The following MIDEAS variants were observed in gnomAD, a reference collection of about 807,000 sequenced individuals.
The protein encoded by MIDEAS is mitotic deacetylase associated SANT domain protein.
In MIDEAS, 26 loss-of-function variants were observed where a neutral mutation model predicts 102.7. The ratio of observed to expected loss-of-function variants is 0.25; its 90% CI spans 0.19 to 0.35. The LOEUF (loss-of-function observed/expected upper bound fraction) is 0.35, where lower values mean the gene tolerates loss of function less well. Among genes scored for constraint, MIDEAS ranks in the 10% least tolerant of loss-of-function variants. The pLI is 1.00. For missense variants in MIDEAS, 1,231 were observed against 1,435.6 expected (o/e 0.86, Z 2.30); for synonymous variants, 585 against 591.0 (o/e 0.99, Z 0.15).
At chr14:73,757,814 C>T (rs1319014573) in intron 1 of MIDEAS, among the ~76,000 whole-genome samples, 1 of 152,356 alleles carries the variant, frequency 6.6e-6, no homozygotes, top group Admixed American at 6.5e-5. Flanking sequence ...TTGTGTTCCA[C>T]TTATTGAAAG....
chr14:73,757,288 A>AAAAAAAAAAAAAAAAAC (rs1343580178), intron 1 of MIDEAS, among the ~76,000 whole-genome samples: 5 of 150,504 alleles, frequency 3.3e-5, no homozygotes, highest in East Asian at 2.0e-4. Flanking sequence ...CCAAAAAAAA[A>AAAAAAAAAAAAAAAAAC]AAAAAACACT....
At chr14:73,756,295 T>TGCGTGCGC (rs1555344810) in intron 1 of MIDEAS, among the ~76,000 whole-genome samples, 12 of 127,626 alleles carry the variant, frequency 9.4e-5, no homozygotes, top group Non-Finnish European at 1.6e-4. Context: ...TGTGTGTGTG[T>TGCGTGCGC]GCGCGCGCGC....
chr14:73,781,530 T>A (rs2053756948), intron 1 of MIDEAS, among the ~76,000 whole-genome samples: 1 of 147,650 alleles, frequency 6.8e-6, no homozygotes, highest in South Asian at 2.1e-4. Context: ...AAGTTGGGAG[T>A]TCGAGACCAG....
chr14:73,749,355 G>A (rs12589404), intron 1 of MIDEAS, among the ~76,000 whole-genome samples: 22,042 of 136,720 alleles, frequency 0.16, 2,792 homozygotes, highest in East Asian at 0.64. Context: ...GCAACAAAAC[G>A]AGACCGTGTC....
chr14:73,769,400 A>C (rs917762213), intron 1 of MIDEAS, among the ~76,000 whole-genome samples: 4 of 152,270 alleles, frequency 2.6e-5, no homozygotes, highest in African/African-American at 9.6e-5. Flanking sequence ...AACCTACATC[A>C]GCAGCAATTT....
At chr14:73,756,279 TGTGTGTGTGTGTGTGTGC>T (rs796069040) in intron 1 of MIDEAS, among the ~76,000 whole-genome samples, 6 of 89,686 alleles carry the variant, frequency 6.7e-5, no homozygotes, top group African/African-American at 2.2e-4. Flanking sequence ...TGTGTGTGTG[TGTGTGTGTGTGTGTGTGC>T]GCGCGCGCGT....
intron 1 of MIDEAS, among the ~76,000 whole-genome samples, chr14:73,769,868 G>A (rs888348827): frequency 6.6e-6 from 1 of 150,644 alleles, no homozygotes; most frequent in Non-Finnish European, 1.5e-5. Flanking sequence ...CCAAAGTGCT[G>A]GGATTACAGG....
At chr14:73,719,228 T>TCCCCCCC (rs1595248131) in intron 12 of MIDEAS, 77 bp downstream of exon 12, 11 of 645,572 alleles carry the variant, frequency 1.7e-5, no homozygotes, top group Admixed American at 1.0e-4. Context: ...CTCTTCCCCC[T>TCCCCCCC]CCCCTCCACC....
chr14:73,736,890 A>G, intron 3 of MIDEAS, 108 bp downstream of exon 3: 1 of 1,153,628 alleles, frequency 8.7e-7, no homozygotes, highest in South Asian at 1.5e-5. Flanking sequence ...GTATCTCCAC[A>G]GGTTCCCTGA....
Position 73,715,904 on chromosome 14 carries a change from G to A in MIDEAS, c.*2939C>T, listed in dbSNP as rs1007635705. Reference sequence around the variant, plus strand: ...CTTAGCTGTGAGGGGGGCTGCTGAAGGCATGGAGGACAGTAATGACGGCTG... The same window carrying A: ...CTTAGCTGTGAGGGGGGCTGCTGAAAGCATGGAGGACAGTAATGACGGCTG... On this transcript the variant is annotated 3_prime_UTR_variant, in exon 13 of 13. Transcript: ENST00000423556. 7 of 152,464 alleles carry A rather than the reference G, an allele frequency of 4.6e-5. No individual in the cohort carries two copies. The highest frequency in any genetic ancestry group is 2.1e-4 in the South Asian group (1 of 4,826). 9.4% of individuals were successfully genotyped at this position (152,464 alleles called of 1,614,324 possible).
intron 1 of MIDEAS, among the ~76,000 whole-genome samples, chr14:73,765,478 A>G (rs1162631646): frequency 6.6e-6 from 1 of 152,068 alleles, no homozygotes; most frequent in African/African-American, 2.4e-5. Flanking sequence ...ATTTTTTCTC[A>G]TCTATTTCCT....
chr14:73,760,822 T>C (rs1820121826), upstream of MIDEAS, among the ~76,000 whole-genome samples: 2 of 152,160 alleles, frequency 1.3e-5, no homozygotes, highest in South Asian at 2.1e-4. The surrounding 1 kb of genome is among the most constrained non-coding windows in gnomAD (Gnocchi z 4.8). Flanking sequence ...ATCTCCTGGA[T>C]TTAAATCTAG....
chr14:73,757,873 T>A (rs2053504432), intron 1 of MIDEAS, among the ~76,000 whole-genome samples: 1 of 152,196 alleles, frequency 6.6e-6, no homozygotes, highest in Admixed American at 6.5e-5. Flanking sequence ...ATCCCACATG[T>A]AAAAATTAAA....
rs1221012221 is a variant in MIDEAS, at chr14:73,717,491, TC to T, written c.*1351del. On this transcript the variant is annotated 3_prime_UTR_variant, in exon 13 of 13. Coordinates refer to ENST00000423556, the MANE Select transcript of MIDEAS (RefSeq NM_001367710.1). ...GAAGGGGCAGCAAGAACTGCCTTAATCTCCCTTGCTCTGTGTGGGTCTGGTG... is the reference window on the plus strand; with the variant it reads ...GAAGGGGCAGCAAGAACTGCCTTAATTCCCTTGCTCTGTGTGGGTCTGGTG... The T allele has an allele frequency of 6.6e-6, 1 of 152,386 alleles. No individual in the cohort carries two copies. Among genetic ancestry groups the T allele is most frequent in the Non-Finnish European group, 1.5e-5 (1 of 68,034 alleles). 9.4% of individuals were successfully genotyped at this position (152,386 alleles called of 1,614,324 possible). A position where few individuals can be genotyped will look rare whatever the true frequency, so the allele number is the denominator to read the frequency against.
At chr14:73,782,657 G>T (rs2140180883) in intron 1 of MIDEAS, among the ~76,000 whole-genome samples, 1 of 152,280 alleles carries the variant, frequency 6.6e-6, no homozygotes, top group African/African-American at 2.4e-5. Context: ...CTGCAAGTTG[G>T]TCCTACCTCC....
intron 1 of MIDEAS, among the ~76,000 whole-genome samples, chr14:73,767,415 G>A (rs1171162548): frequency 6.6e-6 from 1 of 152,104 alleles, no homozygotes; most frequent in African/African-American, 2.4e-5. Context: ...CAGGAGGATT[G>A]TGCTTGATGC....
Position 73,723,631 on chromosome 14 carries a change from T to C in MIDEAS, c.2575-784A>G, listed in dbSNP as rs546850265. The C allele has an allele frequency of 2.6e-5, 4 of 152,380 alleles. No homozygotes were observed. In the South Asian group the frequency reaches 8.3e-4, roughly 32 times the overall value. 9.4% of individuals were successfully genotyped at this position (152,380 alleles called of 1,614,324 possible). ...AGAGAGAGCTGTATATGTGTGTGTC[T>C]ATGTTTAGACATAGAGAAAGAGAAA... On this transcript the variant is annotated intron_variant, in intron 9 of 12. Coordinates refer to ENST00000423556, the MANE Select transcript of MIDEAS (RefSeq NM_001367710.1).
intron 1 of MIDEAS, among the ~76,000 whole-genome samples, chr14:73,765,491 C>T (rs1034658641): frequency 3.3e-5 from 5 of 152,184 alleles, no homozygotes; most frequent in Non-Finnish European, 5.9e-5. Flanking sequence ...TATTTCCTTG[C>T]TTCTGGTTTT....
chr14:73,766,465 A>G (rs1462586096), intron 1 of MIDEAS, among the ~76,000 whole-genome samples: 1 of 152,064 alleles, frequency 6.6e-6, no homozygotes, highest in Admixed American at 6.5e-5. Flanking sequence ...CATTTCCTCC[A>G]TTTTAACATC....
Sources: allele counts gnomAD v4.1 joint callset (sites outside exome capture counted in the v4.1 genomes callset), GRCh38; gene constraint gnomAD v4.1.1; non-coding constraint Gnocchi (gnomAD v3.1); transcripts MANE v1.5; gene names NCBI Gene and HGNC (gene_info 2026-07-23, HGNC 2026-07-21).